The following TAFA2 variants were observed in gnomAD, a reference collection of about 807,000 sequenced individuals.
TAFA2 encodes TAFA chemokine like family member 2, also known as chemokine-like protein TAFA-2.
A neutral mutation model predicts 18.8 loss-of-function variants in TAFA2; 7 were observed. The ratio of observed to expected loss-of-function variants is 0.37; its 90% CI spans 0.21 to 0.70. The LOEUF (loss-of-function observed/expected upper bound fraction) is 0.70. TAFA2 is among the 30% of genes least tolerant of loss of function. The probability of loss-of-function intolerance (pLI) is 0.53; values close to 1 mark genes in which losing one functional copy is unlikely to be tolerated. For missense variants in TAFA2, 122 were observed against 158.1 expected, an observed-to-expected ratio of 0.77 and a Z score of 1.23; for synonymous variants, 60 against 54.2, an observed-to-expected ratio of 1.11 and a Z score of -0.47.
chr12:62,114,193 T>C (rs1869859359), intron 1 of TAFA2, among the ~76,000 whole-genome samples: 1 of 152,194 alleles, frequency 6.6e-6, no homozygotes, highest in African/African-American at 2.4e-5. Context: ...TGGGCCAGAA[T>C]GCACCATTCC....
intron 1 of TAFA2, among the ~76,000 whole-genome samples, chr12:62,085,711 C>G (rs1868423119): frequency 6.6e-6 from 1 of 151,978 alleles, no homozygotes; most frequent in Non-Finnish European, 1.5e-5. Context: ...GTACCATATA[C>G]CTGACATAAA....
chr12:61,951,830 A>G (rs959035096), intron 1 of TAFA2, among the ~76,000 whole-genome samples: 1 of 151,942 alleles, frequency 6.6e-6, no homozygotes, highest in African/African-American at 2.4e-5. Flanking sequence ...TTGTAAACTG[A>G]TTGATCTTAA....
At chr12:61,878,930 C>T (rs1874985572) in intron 1 of TAFA2, among the ~76,000 whole-genome samples, 1 of 152,110 alleles carries the variant, frequency 6.6e-6, no homozygotes, top group Admixed American at 6.6e-5. Context: ...TGGAATCACC[C>T]CTCTTGCAGA....
intron 1 of TAFA2, among the ~76,000 whole-genome samples, chr12:62,065,584 G>C (rs1036786869): frequency 6.6e-6 from 1 of 152,084 alleles, no homozygotes; most frequent in Middle Eastern, 3.4e-3. Flanking sequence ...TATATTATAA[G>C]CTTCTTTATA....
intron 1 of TAFA2, among the ~76,000 whole-genome samples, chr12:61,884,997 T>C (rs993596651): frequency 6.6e-6 from 1 of 151,754 alleles, no homozygotes; most frequent in African/African-American, 2.4e-5. Flanking sequence ...TAAACTTCTT[T>C]GTTTCTACTG....
intron 1 of TAFA2, among the ~76,000 whole-genome samples, chr12:62,010,757 GC>G (rs1203642584): frequency 4.0e-5 from 6 of 149,754 alleles, no homozygotes; most frequent in African/African-American, 4.9e-5. Context: ...TCTCTGCCCG[GC>G]CCCCCCGTCT....
intron 1 of TAFA2, among the ~76,000 whole-genome samples, chr12:61,961,204 C>T (rs1878872742): frequency 6.6e-6 from 1 of 151,546 alleles, no homozygotes; most frequent in Non-Finnish European, 1.5e-5. Context: ...AGAACTCACT[C>T]ACTAGCAGAA....
chr12:61,841,985 T>C (rs558949573), intron 2 of TAFA2, among the ~76,000 whole-genome samples: 4 of 152,072 alleles, frequency 2.6e-5, no homozygotes, highest in Non-Finnish European at 5.9e-5. Context: ...ACCGTCATGA[T>C]TGGAGTTCCT....
chr12:61,811,883 T>C (rs60219837), intron 2 of TAFA2, among the ~76,000 whole-genome samples: 7,245 of 151,480 alleles, frequency 0.048, 896 homozygotes, highest in African/African-American at 0.17. Context: ...AGGTTTTGAC[T>C]TTATGAAGCA....
At chr12:61,899,888 CA>C (rs1876022485) in intron 1 of TAFA2, among the ~76,000 whole-genome samples, 2 of 152,266 alleles carry the variant, frequency 1.3e-5, no homozygotes, top group Admixed American at 6.5e-5. Context: ...TTATAGTACA[CA>C]AGATGATTTG....
intron 1 of TAFA2, among the ~76,000 whole-genome samples, chr12:61,922,904 G>A (rs1249126976): frequency 1.3e-5 from 2 of 152,182 alleles, no homozygotes; most frequent in Non-Finnish European, 2.9e-5. Flanking sequence ...GCTCGAGCTT[G>A]GTGGGGAGAG....
chr12:61,725,528 T>A (rs1251667878), intron 4 of TAFA2, among the ~76,000 whole-genome samples: 1 of 151,974 alleles, frequency 6.6e-6, no homozygotes, highest in Non-Finnish European at 1.5e-5. Flanking sequence ...CAGCACCATT[T>A]GTTGAATAGG....
chr12:61,884,492 C>CT (rs755225489), intron 1 of TAFA2, among the ~76,000 whole-genome samples: 12 of 152,218 alleles, frequency 7.9e-5, no homozygotes, highest in Middle Eastern at 3.4e-3. Flanking sequence ...TGTAGTCGCT[C>CT]TTTTTTAGTA....
chr12:62,097,286 C>T (rs1868993940), intron 1 of TAFA2, among the ~76,000 whole-genome samples: 1 of 152,064 alleles, frequency 6.6e-6, no homozygotes, highest in Non-Finnish European at 1.5e-5. Flanking sequence ...CTTATTTGGA[C>T]TCTGGTTCCT....
chr12:61,785,664 C>T (rs1272409849), intron 2 of TAFA2, among the ~76,000 whole-genome samples: 1 of 151,452 alleles, frequency 6.6e-6, no homozygotes, highest in African/African-American at 2.4e-5. Context: ...TCTCTCTGCA[C>T]TTCAGTATGT....
chr12:61,808,273 T>C (rs78204098), intron 2 of TAFA2, among the ~76,000 whole-genome samples: 1 of 151,592 alleles, frequency 6.6e-6, no homozygotes, highest in Non-Finnish European at 1.5e-5. Context: ...TCTTCTCTTG[T>C]CTGCCACCAT....
At chr12:61,787,725 C>A (rs1418275157) in intron 2 of TAFA2, among the ~76,000 whole-genome samples, 1 of 151,338 alleles carries the variant, frequency 6.6e-6, no homozygotes, top group Non-Finnish European at 1.5e-5. Context: ...AAAGGAAAGA[C>A]CCAAAGCTTA....
rs368517157 is a variant in TAFA2, at chr12:61,866,153, C to T, written c.106+1167G>A. Among the ~76,000 whole-genome samples the T allele has an allele frequency of 3.3e-5, 5 of 152,092 alleles. No homozygotes were observed. The East Asian group carries it at 9.6e-4, about 29-fold the overall frequency. ...AAAAATATATGAATATATATATTCA[C>T]ACACACGAAAACATACTGTGGGTAG... On this transcript the variant is annotated intron_variant, in intron 2 of 4. Transcript: ENST00000416284.
intron 4 of TAFA2, among the ~76,000 whole-genome samples, chr12:61,746,182 G>C (rs1409193649): frequency 1.3e-5 from 2 of 152,076 alleles, no homozygotes; most frequent in South Asian, 4.1e-4. Flanking sequence ...ATGATAGTGA[G>C]TGAGTCTCAT....
Sources: allele counts gnomAD v4.1 joint callset (sites outside exome capture counted in the v4.1 genomes callset), GRCh38; gene constraint gnomAD v4.1.1; transcripts MANE v1.5; gene names NCBI Gene and HGNC (gene_info 2026-07-23, HGNC 2026-07-21).